FANCI: variants seen among roughly 807,000 people sequenced by gnomAD.
FANCI encodes the protein Fanconi anemia group I protein.
FANCI carries 156 observed loss-of-function variants against 176.1 expected under a neutral mutation model. The ratio of observed to expected loss-of-function variants is 0.89; its 90% CI spans 0.78 to 1.01. FANCI has a LOEUF of 1.01. Among genes scored for constraint, FANCI ranks in the 50% least tolerant of loss-of-function variants. The pLI, the probability that FANCI is intolerant of heterozygous loss-of-function variation, is 0.00. For synonymous variants in FANCI, 613 were observed against 541.7 expected (o/e 1.13, Z -1.83); for missense variants, 1,678 against 1,534.1 (o/e 1.09, Z -1.57).
intron 2 of FANCI, among the ~76,000 whole-genome samples, chr15:89,248,906 G>A (rs747038899): frequency 9.9e-5 from 15 of 152,040 alleles, no homozygotes; most frequent in Non-Finnish European, 2.1e-4. Flanking sequence ...ACTATATATA[G>A]GCCAGGCATG....
chr15:89,310,472 C>G (rs1307714153), intron 34 of FANCI, among the ~76,000 whole-genome samples: 1 of 152,230 alleles, frequency 6.6e-6, no homozygotes, highest in Non-Finnish European at 1.5e-5. Flanking sequence ...TTATTTTCCC[C>G]TCATTACACA....
chr15:89,260,667 C>CA (rs1439169336), intron 3 of FANCI, 46 bp from the exon 4 acceptor site: 1 of 1,608,692 alleles, frequency 6.2e-7, no homozygotes, highest in Admixed American at 1.7e-5. Context: ...ATTTACCTGT[C>CA]AATGTTGTAA....
chr15:89,291,453 G>A (rs2054065954), intron 19 of FANCI, among the ~76,000 whole-genome samples, 160 bp from the exon 20 acceptor site: 1 of 152,154 alleles, frequency 6.6e-6, no homozygotes, highest in South Asian at 2.1e-4. Context: ...ACAGGATGTG[G>A]GTGAGCCAAA....
chr15:89,287,258 C>G (rs1596296122), intron 18 of FANCI, among the ~76,000 whole-genome samples: 1 of 152,200 alleles, frequency 6.6e-6, no homozygotes, highest in East Asian at 1.9e-4. Flanking sequence ...CAGGCGTGAG[C>G]CACTGCGCCC....
Position 89,280,174 on chromosome 15 carries a change from A to G in FANCI, c.1382-996A>G, listed in dbSNP as rs1296514248. 3.3e-5 allele frequency among the ~76,000 whole-genome samples: 5 copies of G among 152,152 alleles called. No homozygotes were observed. The East Asian group carries it at 9.6e-4, about 29-fold the overall frequency. ...GTAGCTGGGACTGCAGGCACGTGCCACCACACCCAGCTAATTTTTGTATTT... is the reference window on the plus strand; with the variant it reads ...GTAGCTGGGACTGCAGGCACGTGCCGCCACACCCAGCTAATTTTTGTATTT... On this transcript the variant is annotated intron_variant, in intron 14 of 37. Coordinates refer to ENST00000310775, the MANE Select transcript of FANCI (RefSeq NM_001113378.2).
intron 2 of FANCI, among the ~76,000 whole-genome samples, chr15:89,249,314 A>G (rs2052130430): frequency 6.6e-6 from 1 of 152,208 alleles, no homozygotes; most frequent in African/African-American, 2.4e-5. Flanking sequence ...TCTGAAAAAA[A>G]TCTTTAATTA....
Position 89,295,085 on chromosome 15 carries a change from A to C in FANCI, c.2627A>C (p.Asp876Ala), listed in dbSNP as rs545673916. The change falls in exon 24 of 38, where the codon GAC becomes GCC. Residue 876 changes from aspartate (D) to alanine (A), a missense_variant. Coordinates refer to ENST00000310775, the MANE Select transcript of FANCI (RefSeq NM_001113378.2). ...GAAAAGATCTTTCAGAACCTCTGTG[A>C]CATAACTCGGTAAGCCACTCCCACC... ...NPEKIFQNLC[D>A]ITRVLLWRYT... 1 of 1,551,550 alleles carries C rather than the reference A, an allele frequency of 6.4e-7. No individual in the cohort carries two copies. Among genetic ancestry groups the C allele is most frequent in the Admixed American group, 2.0e-5 (1 of 50,930 alleles).
chr15:89,317,137 T>C (rs1447048591), downstream of FANCI: 2 of 599,290 alleles, frequency 3.3e-6, no homozygotes, highest in Non-Finnish European at 5.9e-6. Context: ...ACATTTCTTC[T>C]GTGGTTGAAG....
At chr15:89,305,922 TAGTA>T in intron 31 of FANCI, 81 bp from the exon 32 acceptor site, 2 of 1,388,260 alleles carry the variant, frequency 1.4e-6, no homozygotes. Flanking sequence ...ACTTTCTAGT[TAGTA>T]GTAATCAATT....
rs142945861 is a variant in FANCI, at chr15:89,265,269, A to T, written c.755+662A>T. Among the ~76,000 whole-genome samples the T allele has an allele frequency of 2.4e-3, 370 of 152,238 alleles. 8 individuals carry two copies. The highest frequency in any genetic ancestry group is 0.014 in the East Asian group (75 of 5,176). On this transcript the variant is annotated intron_variant, in intron 9 of 37. Transcript: ENST00000310775. ...GTGGCCCAGGCTGGAGTACATTGGC[A>T]TGATCTCAGCTCACTGCATCTTCCA...
intron 24 of FANCI, 61 bp from the exon 25 acceptor site, chr15:89,299,739 G>A: frequency 1.3e-6 from 2 of 1,559,550 alleles, no homozygotes; most frequent in East Asian, 4.5e-5. Context: ...GAATTTTACT[G>A]TTTGTTATTT....
intron 22 of FANCI, 63 bp from the exon 23 acceptor site, chr15:89,293,770 T>C (rs1444319938): frequency 2.8e-6 from 4 of 1,451,226 alleles, no homozygotes; most frequent in Non-Finnish European, 3.9e-6. Flanking sequence ...TATTATCATA[T>C]GTAAAAGTAA....
chr15:89,251,342 G>C lies in FANCI; in HGVS notation c.84+3611G>C, dbSNP rs141730480. On this transcript the variant is annotated intron_variant, in intron 2 of 37. Transcript: ENST00000310775. ...GGAACTACTTCGTACAAAAACACCA[G>C]GCCCAGATAGATTGGCAGGAAACTT... 2.6e-3 allele frequency among the ~76,000 whole-genome samples: 391 copies of C among 152,304 alleles called. 2 individuals are homozygous for C. The highest frequency in any genetic ancestry group is 9.1e-3 in the African/African-American group (380 of 41,570).
intron 27 of FANCI, 46 bp downstream of exon 27, chr15:89,301,488 C>A: frequency 7.9e-7 from 1 of 1,265,906 alleles, no homozygotes. Flanking sequence ...CCTCAGAAGG[C>A]AAGGATTATT....
chr15:89,304,052 A>G (rs2054621823), intron 28 of FANCI, 137 bp downstream of exon 28: 1 of 801,446 alleles, frequency 1.2e-6, no homozygotes, highest in South Asian at 1.5e-5. Context: ...CCTAATACCA[A>G]GTCGAATTGT....
chr15:89,261,868 T>C lies in FANCI; in HGVS notation c.493T>C (p.Cys165Arg). ...ECKKQLINTLCSGRWDQQYVI... is the reference protein window; with the variant it reads ...ECKKQLINTLRSGRWDQQYVI... The stretch of plus-strand genomic sequence containing the variant: ...TAAGAAACAGTTGATTAACACCCTG[T>C]GTTCTGGCAGGTGAGTCTTGTTAAT... The change falls in exon 6 of 38, where the codon TGT (cysteine) becomes CGT (arginine). Residue 165 changes from cysteine (C) to arginine (R), a missense_variant. Around this residue, in one of 3 missense-constraint regions of FANCI, gnomAD observed 469 missense variants for 436.9 expected, o/e 1.07. Coordinates refer to ENST00000310775, the MANE Select transcript of FANCI (RefSeq NM_001113378.2). 5 of 1,614,114 alleles carry C rather than the reference T, an allele frequency of 3.1e-6. No individual in the cohort carries two copies. Among genetic ancestry groups the C allele is most frequent in the Non-Finnish European group, 4.2e-6 (5 of 1,179,986 alleles).
chr15:89,253,614 G>A (rs2052362179), intron 2 of FANCI, among the ~76,000 whole-genome samples: 1 of 152,080 alleles, frequency 6.6e-6, no homozygotes, highest in Admixed American at 6.5e-5. Context: ...CTTTCTAACT[G>A]TCATACAAAG....
chr15:89,305,221 G>A lies in FANCI; in HGVS notation c.3165G>A (p.Gly1055=), dbSNP rs1596324375. ...GTGACTTGTCCCAGGATATCCACGG[G>A]CATCTGGGAGATATAGACCAGGTAC... The part of the protein sequence containing the change: ...LLRDLSQDIH[G]HLGDIDQDVE... Residue 1055 remains glycine (G), a synonymous_variant, in exon 29 of 38, where the codon GGG becomes GGA. Coordinates refer to ENST00000310775, the MANE Select transcript of FANCI (RefSeq NM_001113378.2). The A allele has an allele frequency of 6.2e-7, 1 of 1,614,204 alleles. No homozygotes were observed. Among genetic ancestry groups the A allele is most frequent in the Non-Finnish European group, 8.5e-7 (1 of 1,180,050 alleles).
At chr15:89,266,475 C>T (rs779145091) in intron 9 of FANCI, among the ~76,000 whole-genome samples, 1 of 151,654 alleles carries the variant, frequency 6.6e-6, no homozygotes, top group Non-Finnish European at 1.5e-5. Flanking sequence ...GTTACAGGTG[C>T]GTGCCACCAC....
Sources: gnomAD v4.1 joint callset for allele counts (sites outside exome capture counted in the v4.1 genomes callset) on GRCh38, gnomAD v4.1.1 for gene constraint, gnomAD v4.1.1 regional missense constraint, MANE v1.5 for transcripts, NCBI Gene and HGNC (gene_info 2026-07-23, HGNC 2026-07-21) for gene names.